SPARCL1: variants seen among roughly 807,000 people sequenced by gnomAD.
The protein encoded by SPARCL1 is SPARC like 1.
A neutral mutation model predicts 67.1 loss-of-function variants in SPARCL1; 52 were observed. The observed-to-expected ratio is 0.78, with a 90% confidence interval of 0.62 to 0.98. SPARCL1 has a LOEUF of 0.98. SPARCL1 is among the 50% of genes least tolerant of loss of function. The probability of loss-of-function intolerance (pLI) is 0.00; values close to 1 mark genes in which losing one functional copy is unlikely to be tolerated. For synonymous variants in SPARCL1, 226 were observed against 267.8 expected, an observed-to-expected ratio of 0.84 and a Z score of 1.52; for missense variants, 717 against 782.4, an observed-to-expected ratio of 0.92 and a Z score of 1.00.
At position 87,479,556 on chromosome 4, in the gene SPARCL1, C is replaced by A. The variant is rs1440356240; in HGVS notation, c.1840G>T (p.Ala614Ser). The A allele has an allele frequency of 1.2e-6, 2 of 1,613,952 alleles. No individual in the cohort carries two copies. The highest frequency in any genetic ancestry group is 2.7e-5 in the African/African-American group (2 of 74,882). Residue 614 changes from alanine (A) to serine (S), a missense_variant, in exon 10 of 11, where the codon GCT (alanine) becomes TCT (serine). Ala to Ser is a moderately conservative substitution (Grantham distance 99, BLOSUM62 1). Transcript: ENST00000282470. Reference sequence around the variant, plus strand: ...GGCACCAGAGATGCTCGCAGAGGAGCAAGTTCAGAATGTGTCAAGACTCTG... The same window carrying A: ...GGCACCAGAGATGCTCGCAGAGGAGAAAGTTCAGAATGTGTCAAGACTCTG... ...MDRVLTHSELAPLRASLVPME... is the reference protein window; with the variant it reads ...MDRVLTHSELSPLRASLVPME...
intron 1 of SPARCL1, among the ~76,000 whole-genome samples, chr4:87,511,967 C>CTCTTT (rs71667858): frequency 1.6e-5 from 2 of 121,548 alleles, no homozygotes; most frequent in East Asian, 2.6e-4. Context: ...CTTTCTTTCT[C>CTCTTT]TTTTTTTTTT....
At chr4:87,499,608 T>A in intron 1 of SPARCL1, 23 bp from the exon 2 acceptor site, 2 of 1,561,098 alleles carry the variant, frequency 1.3e-6, no homozygotes, top group Non-Finnish European at 1.7e-6. Context: ...AAGATAATTA[T>A]CAGTGGCAGG....
In SPARCL1 at chr4:87,482,351, G is replaced by T. The variant is rs56755866; in HGVS notation, c.1668+73C>A. ...TTTTGCCAGTATGCAGAGGTAGGTA[G>T]CCCCCCCACCACGTCTTTCTTCCTC... On this transcript the variant is annotated intron_variant, in intron 8 of 10. Transcript: ENST00000282470. 10,947 of 1,524,356 alleles carry T rather than the reference G, an allele frequency of 7.2e-3. 600 individuals carry two copies. The African/African-American group carries it at 0.13, about 17-fold the overall frequency. The allele number at this position is 1,524,356 out of a possible 1,614,324, so 94.4% of individuals were successfully genotyped here.
intron 1 of SPARCL1, among the ~76,000 whole-genome samples, chr4:87,513,602 T>C (rs1725464585): frequency 6.6e-6 from 1 of 151,996 alleles, no homozygotes; most frequent in Non-Finnish European, 1.5e-5. Flanking sequence ...CAAATGATTA[T>C]TATTTTCATT....
intron 1 of SPARCL1, among the ~76,000 whole-genome samples, chr4:87,503,019 C>A (rs1724913641): frequency 6.6e-6 from 1 of 152,230 alleles, no homozygotes; most frequent in Non-Finnish European, 1.5e-5. Context: ...GACTGGAGTT[C>A]TCTCAGTGCA....
In SPARCL1 at chr4:87,473,733, C is replaced by T; in HGVS notation, c.*42G>A. 6.6e-7 allele frequency: 1 copy of T among 1,512,766 alleles called. No individual in the cohort carries two copies. Among genetic ancestry groups the T allele is most frequent in the Non-Finnish European group, 9.2e-7 (1 of 1,092,844 alleles). The allele number at this position is 1,512,766 out of a possible 1,614,324, so 93.7% of individuals were successfully genotyped here. Reference sequence around the variant, plus strand: ...GCATATATTTCTGAAGTGGTTAGAACAGAGGAGGATGCTGGAAAGTTGAGT... The same window carrying T: ...GCATATATTTCTGAAGTGGTTAGAATAGAGGAGGATGCTGGAAAGTTGAGT... On this transcript the variant is annotated 3_prime_UTR_variant, in exon 11 of 11. Transcript: ENST00000282470.
At chr4:87,512,638 C>A (rs778980450) in intron 1 of SPARCL1, among the ~76,000 whole-genome samples, 8 of 152,150 alleles carry the variant, frequency 5.3e-5, no homozygotes, top group Non-Finnish European at 8.8e-5. Flanking sequence ...TCCTAGCTCA[C>A]TGAAGCCAGA....
intron 1 of SPARCL1, among the ~76,000 whole-genome samples, chr4:87,500,098 G>A (rs1724784378): frequency 6.6e-6 from 1 of 152,202 alleles, no homozygotes; most frequent in Admixed American, 6.5e-5. Context: ...GATAGGTTTG[G>A]TTTGGTAGGC....
In SPARCL1 at chr4:87,512,780, G is replaced by A. The variant is rs114995999; in HGVS notation, c.-11-13195C>T. 6.0e-3 allele frequency among the ~76,000 whole-genome samples: 915 copies of A among 152,254 alleles called. 12 individuals are homozygous for A. Among genetic ancestry groups the A allele is most frequent in the African/African-American group, 0.02 (850 of 41,554 alleles). Reference sequence around the variant, plus strand: ...GAGAGCATACTGTTTTACAGCAACCGAAAACCAAAATAAGGCAAAACAGAC... The same window carrying A: ...GAGAGCATACTGTTTTACAGCAACCAAAAACCAAAATAAGGCAAAACAGAC... On this transcript the variant is annotated intron_variant, in intron 1 of 10. Transcript: ENST00000282470.
chr4:87,475,855 A>G (rs749604406), intron 10 of SPARCL1, among the ~76,000 whole-genome samples: 16 of 152,232 alleles, frequency 1.1e-4, no homozygotes, highest in Non-Finnish European at 1.2e-4. Flanking sequence ...CAGATCTACT[A>G]TTCAACCCAG....
chr4:87,521,691 T>A (rs1725824989), intron 1 of SPARCL1, among the ~76,000 whole-genome samples: 1 of 152,200 alleles, frequency 6.6e-6, no homozygotes, highest in Non-Finnish European at 1.5e-5. Context: ...TCACTTTGTC[T>A]AAAGTTTAAT....
chr4:87,487,289 T>G (rs1724116010), intron 7 of SPARCL1, among the ~76,000 whole-genome samples: 1 of 152,176 alleles, frequency 6.6e-6, no homozygotes, highest in Non-Finnish European at 1.5e-5. Context: ...GCAGGCCTGG[T>G]GGTGAAAAAA....
chr4:87,513,623 C>A (rs79838786), intron 1 of SPARCL1, among the ~76,000 whole-genome samples: 8,389 of 152,034 alleles, frequency 0.055, 742 homozygotes, highest in African/African-American at 0.19. Flanking sequence ...GTTCTGCCTG[C>A]TGCCTGTCAT....
chr4:87,493,569 A>C lies in SPARCL1; in HGVS notation c.1218+13T>G, dbSNP rs1481799763. The C allele has an allele frequency of 6.3e-7, 1 of 1,587,252 alleles. No homozygotes were observed. The highest frequency in any genetic ancestry group is 8.6e-7 in the Non-Finnish European group (1 of 1,166,624). On this transcript the variant is annotated intron_variant, in intron 4 of 10. Coordinates refer to ENST00000282470, the MANE Select transcript of SPARCL1 (RefSeq NM_004684.6). ...TGGCTTTATTGGACAAGGACCATTT[A>C]AAATAATTTTACCTCTTGGTGCTCT...
chr4:87,489,137 T>C (rs769085460), intron 7 of SPARCL1, among the ~76,000 whole-genome samples: 1 of 152,104 alleles, frequency 6.6e-6, no homozygotes, highest in Non-Finnish European at 1.5e-5. Context: ...CACTGGGATA[T>C]GGAAAAAAAC....
chr4:87,524,965 C>A (rs1219236521), intron 1 of SPARCL1, among the ~76,000 whole-genome samples: 1 of 152,140 alleles, frequency 6.6e-6, no homozygotes. Context: ...GAGTTTGAGA[C>A]CAGCCTGGCC....
At chr4:87,494,795 C>T (rs192390934) in intron 3 of SPARCL1, among the ~76,000 whole-genome samples, 186 bp downstream of exon 3, 9 of 152,284 alleles carry the variant, frequency 5.9e-5, no homozygotes, top group Admixed American at 3.3e-4. Context: ...TACAGCAGCT[C>T]AGCCCAAGTA....
rs796594974 is a variant in SPARCL1, at chr4:87,494,242, C to G, written c.558G>C (p.Arg186Ser). Residue 186 changes from arginine (R) to serine (S), a missense_variant, in exon 4 of 11, where the codon AGG becomes AGC. Physicochemically the swap from Arg to Ser is moderately radical, Grantham distance 110. Coordinates refer to ENST00000282470, the MANE Select transcript of SPARCL1 (RefSeq NM_004684.6). ...GATCCTGCTCTTGGTTTCCTTGATCCCTTAGGCCTTGGCTATGTTTACTGC... is the reference window on the plus strand; with the variant it reads ...GATCCTGCTCTTGGTTTCCTTGATCGCTTAGGCCTTGGCTATGTTTACTGC... Reference protein sequence around the residue: ...NRSSKHSQGLRDQGNQEQDPN... With the variant: ...NRSSKHSQGLSDQGNQEQDPN... The G allele has an allele frequency of 1.2e-6, 2 of 1,613,898 alleles. No individual in the cohort carries two copies. The highest frequency in any genetic ancestry group is 2.7e-5 in the African/African-American group (2 of 74,864).
Position 87,493,712 on chromosome 4 carries a change from A to G in SPARCL1, c.1088T>C (p.Ile363Thr). 6.2e-7 allele frequency: 1 copy of G among 1,614,130 alleles called. No homozygotes were observed. Among genetic ancestry groups the G allele is most frequent in the Non-Finnish European group, 8.5e-7 (1 of 1,180,026 alleles). ...PRHSASDDYF[I>T]PSQAFLEAER... ...GGCCTCCAGAAAGGCCTGGCTTGGGATGAAGTAGTCATCACTTGCACTGTG... is the reference window on the plus strand; with the variant it reads ...GGCCTCCAGAAAGGCCTGGCTTGGGGTGAAGTAGTCATCACTTGCACTGTG... The change falls in exon 4 of 11, where the codon ATC (isoleucine) becomes ACC (threonine). Residue 363 changes from isoleucine (I) to threonine (T), a missense_variant. Transcript: ENST00000282470.
Sources: allele counts gnomAD v4.1 joint callset (sites outside exome capture counted in the v4.1 genomes callset), GRCh38; gene constraint gnomAD v4.1.1; transcripts MANE v1.5; gene names NCBI Gene and HGNC (gene_info 2026-07-23, HGNC 2026-07-21).